CCSER1: variants seen among roughly 807,000 people sequenced by gnomAD.
The protein encoded by CCSER1 is coiled-coil serine rich protein 1.
In CCSER1, 41 loss-of-function variants were observed where a neutral mutation model predicts 82.0. The ratio of observed to expected loss-of-function variants is 0.50; its 90% CI spans 0.39 to 0.65. The LOEUF (loss-of-function observed/expected upper bound fraction) is 0.65. Among genes scored for constraint, CCSER1 ranks in the 30% least tolerant of loss-of-function variants. The pLI is 0.00. For synonymous variants in CCSER1, 414 were observed against 383.9 expected, an observed-to-expected ratio of 1.08 and a Z score of -0.92; for missense variants, 1,119 against 1,064.2, an observed-to-expected ratio of 1.05 and a Z score of -0.72.
At chr4:91,491,966 T>G (rs923464816) in intron 10 of CCSER1, among the ~76,000 whole-genome samples, 11 of 132,408 alleles carry the variant, frequency 8.3e-5, no homozygotes, top group African/African-American at 2.7e-4. Context: ...TTTTTTTTTT[T>G]GCAATGCGGC....
chr4:90,812,669 T>A (rs948488250), intron 7 of CCSER1, among the ~76,000 whole-genome samples: 1 of 152,080 alleles, frequency 6.6e-6, no homozygotes, highest in Non-Finnish European at 1.5e-5. Flanking sequence ...GGGTAATACA[T>A]AAAACAAAGA....
chr4:90,646,616 C>T (rs1352210573), intron 6 of CCSER1, among the ~76,000 whole-genome samples: 1 of 152,116 alleles, frequency 6.6e-6, no homozygotes, highest in Non-Finnish European at 1.5e-5. Flanking sequence ...TTCTTGGTAT[C>T]CTTATTGTCA....
chr4:90,748,471 A>G (rs1747938996), intron 7 of CCSER1, among the ~76,000 whole-genome samples: 1 of 149,286 alleles, frequency 6.7e-6, no homozygotes, highest in East Asian at 2.0e-4. Flanking sequence ...AGTCTTTGCT[A>G]TTGTGAATAA....
intron 10 of CCSER1, among the ~76,000 whole-genome samples, chr4:91,340,688 T>A (rs1747667156): frequency 6.6e-6 from 1 of 152,222 alleles, no homozygotes; most frequent in South Asian, 2.1e-4. Context: ...TAAATCTAAT[T>A]TAATGAAGAT....
intron 6 of CCSER1, among the ~76,000 whole-genome samples, chr4:90,705,622 C>G (rs188010627): frequency 6.6e-6 from 1 of 152,186 alleles, no homozygotes; most frequent in Non-Finnish European, 1.5e-5. Flanking sequence ...GGTCTCCACC[C>G]AGTTTGAGCT....
chr4:91,367,541 G>T (rs947936317), intron 10 of CCSER1, among the ~76,000 whole-genome samples: 1 of 151,286 alleles, frequency 6.6e-6, no homozygotes, highest in Non-Finnish European at 1.5e-5. Context: ...GGACTCTCTG[G>T]AATTCTCTTT....
rs558087924 is a variant in CCSER1 at position 90,128,967 on chromosome 4, GT to G, written c.-42+1138del. Among the ~76,000 whole-genome samples the G allele has an allele frequency of 1.0e-3, 155 of 152,060 alleles. 1 individual carries two copies. Among genetic ancestry groups the G allele is most frequent in the Admixed American group, 8.4e-3 (129 of 15,284 alleles). On this transcript the variant is annotated intron_variant, in intron 1 of 10. Coordinates refer to ENST00000509176, the MANE Select transcript of CCSER1 (RefSeq NM_001145065.2). ...AGGTAGAAAAAAATACTTCTTAGAA[GT>G]TACAGATTCTTTGCCCTTTAATGTT...
chr4:91,426,039 G>GC (rs1329883009), intron 10 of CCSER1, among the ~76,000 whole-genome samples: 4 of 151,932 alleles, frequency 2.6e-5, no homozygotes, highest in African/African-American at 7.3e-5. Context: ...CCCTTCCCTA[G>GC]CCCCCCACAT....
chr4:90,724,445 C>T (rs928513597), intron 7 of CCSER1, among the ~76,000 whole-genome samples: 1 of 151,626 alleles, frequency 6.6e-6, no homozygotes, highest in Non-Finnish European at 1.5e-5. Flanking sequence ...AATCATTCCA[C>T]CAAACATATT....
chr4:90,636,049 G>A (rs1725361607), intron 6 of CCSER1, among the ~76,000 whole-genome samples: 1 of 151,678 alleles, frequency 6.6e-6, no homozygotes, highest in Admixed American at 6.6e-5. Context: ...AAAAAAGGCT[G>A]ATAAAAAAAG....
chr4:91,154,141 G>A (rs1049872820), intron 10 of CCSER1, among the ~76,000 whole-genome samples: 1 of 152,024 alleles, frequency 6.6e-6, no homozygotes, highest in Non-Finnish European at 1.5e-5. Context: ...GCCTCCTTGA[G>A]CTGTGGTGGG....
intron 10 of CCSER1, among the ~76,000 whole-genome samples, chr4:91,316,742 T>A (rs923918384): frequency 6.6e-6 from 1 of 152,002 alleles, no homozygotes; most frequent in South Asian, 2.1e-4. Context: ...CACAGTGTGA[T>A]CTTTTAAAGT....
intron 5 of CCSER1, among the ~76,000 whole-genome samples, chr4:90,483,549 G>C (rs984913484): frequency 2.8e-4 from 43 of 152,248 alleles, no homozygotes; most frequent in Admixed American, 2.6e-3. Context: ...CCTTCAGGAG[G>C]TCTTTCAGGG....
At chr4:90,343,826 A>G (rs1741853281) in intron 3 of CCSER1, among the ~76,000 whole-genome samples, 1 of 152,134 alleles carries the variant, frequency 6.6e-6, no homozygotes, top group Non-Finnish European at 1.5e-5. Context: ...GCAATGTGTA[A>G]GAATCACATC....
At chr4:90,423,311 C>T (rs1409770021) in intron 4 of CCSER1, among the ~76,000 whole-genome samples, 2 of 152,106 alleles carry the variant, frequency 1.3e-5, no homozygotes, top group East Asian at 3.9e-4. Context: ...CTGCAACCTT[C>T]ACCTCCTGGG....
chr4:90,617,225 G>A (rs1364623635), intron 5 of CCSER1, among the ~76,000 whole-genome samples: 1 of 152,090 alleles, frequency 6.6e-6, no homozygotes, highest in Non-Finnish European at 1.5e-5. Context: ...GATTTTATTG[G>A]GGGGAATTAT....
chr4:91,133,548 A>G (rs1728188932), intron 10 of CCSER1, among the ~76,000 whole-genome samples: 1 of 152,176 alleles, frequency 6.6e-6, no homozygotes, highest in African/African-American at 2.4e-5. Flanking sequence ...AGGCATTGGT[A>G]TAAACTTTTG....
chr4:90,970,071 CA>C (rs1734948887), intron 9 of CCSER1, among the ~76,000 whole-genome samples: 1 of 151,052 alleles, frequency 6.6e-6, no homozygotes, highest in Admixed American at 6.6e-5. Flanking sequence ...TTCAGAACAA[CA>C]AGATGGTAAT....
chr4:90,661,783 A>T, intron 6 of CCSER1, among the ~76,000 whole-genome samples: 1 of 152,290 alleles, frequency 6.6e-6, no homozygotes, highest in East Asian at 1.9e-4. Context: ...TCTTTAAAAA[A>T]ACCCAGTGTT....
Sources: gnomAD v4.1 joint callset for allele counts (sites outside exome capture counted in the v4.1 genomes callset) on GRCh38, gnomAD v4.1.1 for gene constraint, MANE v1.5 for transcripts, NCBI Gene and HGNC (gene_info 2026-07-23, HGNC 2026-07-21) for gene names.